The following INTS15 variants were observed in gnomAD, a reference collection of about 807,000 sequenced individuals.
INTS15 encodes integrator complex subunit 15, also known as uncharacterized protein C7orf26.
chr7:6,602,130 C>T, the INTS15 span: 3 of 1,612,912 alleles, frequency 1.9e-6, no homozygotes, highest in Non-Finnish European at 2.5e-6. Flanking sequence ...CTCCAGGCTG[C>T]CCCATAATAA....
chr7:6,592,675 C>CCA, the INTS15 span, among the ~76,000 whole-genome samples: 6 of 149,424 alleles, frequency 4.0e-5, no homozygotes, highest in African/African-American at 1.5e-4. Flanking sequence ...GTGGTGCAAT[C>CCA]TTAGCTCACT....
chr7:6,601,752 G>A, the INTS15 span, among the ~76,000 whole-genome samples: 17,819 of 151,660 alleles, frequency 0.12, 1,231 homozygotes, highest in African/African-American at 0.19. Context: ...CCTCTCCCAG[G>A]TTCAAGCAGT....
chr7:6,592,823 T>C, the INTS15 span, among the ~76,000 whole-genome samples: 2 of 152,008 alleles, frequency 1.3e-5, no homozygotes, highest in South Asian at 4.2e-4. Flanking sequence ...TTGCCCAGAC[T>C]GGTCACGAAC....
At chr7:6,593,788 T>G in the INTS15 span, among the ~76,000 whole-genome samples, 1 of 151,346 alleles carries the variant, frequency 6.6e-6, no homozygotes, top group Non-Finnish European at 1.5e-5. Flanking sequence ...TAGCTGGGAC[T>G]ACAGGTATGT....
At chr7:6,590,069 C>G in the INTS15 span, 17 of 299,402 alleles carry the variant, frequency 5.7e-5, no homozygotes, top group East Asian at 1.0e-3. Flanking sequence ...CGGCTCCTGG[C>G]GGCGCCGCAG....
At chr7:6,601,686 TCA>T in the INTS15 span, among the ~76,000 whole-genome samples, 1 of 151,294 alleles carries the variant, frequency 6.6e-6, no homozygotes, top group African/African-American at 2.4e-5. Context: ...AGACAGGGTC[TCA>T]CTCTGTTGCC....
the INTS15 span, among the ~76,000 whole-genome samples, chr7:6,605,306 G>A: frequency 9.2e-5 from 14 of 151,938 alleles, no homozygotes; most frequent in Admixed American, 6.6e-4. Context: ...CCTTTTTTTG[G>A]TCTGGGTTCT....
At chr7:6,591,945 G>A in the INTS15 span, 1 of 1,370,340 alleles carries the variant, frequency 7.3e-7, no homozygotes, top group Non-Finnish European at 1.0e-6. Context: ...GCTGAGGTGG[G>A]CGGATCACTT....
chr7:6,592,700 C>T, the INTS15 span, among the ~76,000 whole-genome samples: 2 of 151,362 alleles, frequency 1.3e-5, no homozygotes, highest in Non-Finnish European at 2.9e-5. Context: ...CCTTTGCCTC[C>T]TGGGCTCAAG....
chr7:6,605,155 A>C, the INTS15 span, among the ~76,000 whole-genome samples: 1 of 151,662 alleles, frequency 6.6e-6, no homozygotes, highest in Non-Finnish European at 1.5e-5. Flanking sequence ...ACCACGCCTA[A>C]TTTTTGTATT....
At chr7:6,608,574 G>A in the INTS15 span, 1 of 1,069,002 alleles carries the variant, frequency 9.4e-7, no homozygotes, top group South Asian at 2.5e-5. Context: ...CCCGTGAGCT[G>A]AGCCCAGGCT....
chr7:6,601,655 T>C, the INTS15 span, among the ~76,000 whole-genome samples: 33 of 149,292 alleles, frequency 2.2e-4, no homozygotes, highest in African/African-American at 7.6e-4. Flanking sequence ...TCTTCTTTTT[T>C]CTTTCTTTTT....
the INTS15 span, chr7:6,608,381 G>T: frequency 7.1e-7 from 1 of 1,405,662 alleles, no homozygotes; most frequent in Non-Finnish European, 9.2e-7. Flanking sequence ...TCTGCCGAGA[G>T]CCTGCTGCGT....
the INTS15 span, chr7:6,590,191 G>A: frequency 8.4e-7 from 1 of 1,187,472 alleles, no homozygotes; most frequent in Non-Finnish European, 1.1e-6. Context: ...CCAGGCCCGG[G>A]TCGCGCCTCT....
the INTS15 span, chr7:6,594,393 C>G: frequency 6.2e-7 from 1 of 1,608,682 alleles, no homozygotes; most frequent in Non-Finnish European, 8.5e-7. Context: ...TCTACTCACT[C>G]ACGACATCTG....
At chr7:6,594,316 C>CT in the INTS15 span, 138 of 1,030,256 alleles carry the variant, frequency 1.3e-4, no homozygotes, top group Non-Finnish European at 1.7e-4. Context: ...CCATTAACAT[C>CT]TTTTTTTTGT....
the INTS15 span, chr7:6,594,360 C>T: frequency 1.4e-5 from 20 of 1,461,348 alleles, no homozygotes; most frequent in Non-Finnish European, 1.6e-5. Context: ...TGGAGGTGGT[C>T]ACTGTGTGTG....
At chr7:6,605,789 C>G in the INTS15 span, among the ~76,000 whole-genome samples, 1 of 151,380 alleles carries the variant, frequency 6.6e-6, no homozygotes, top group African/African-American at 2.4e-5. Flanking sequence ...ACCTCTGCCT[C>G]CCGGGTTCAA....
At chr7:6,591,784 A>C in the INTS15 span, 1 of 1,614,068 alleles carries the variant, frequency 6.2e-7, no homozygotes, top group Non-Finnish European at 8.5e-7. Context: ...TGACAGCCGG[A>C]TGAGCTTGTT....
Sources: gnomAD v4.1 joint callset for allele counts (sites outside exome capture counted in the v4.1 genomes callset) on GRCh38, gnomAD v4.1.1 for gene constraint, MANE v1.5 for transcripts, NCBI Gene and HGNC (gene_info 2026-07-23, HGNC 2026-07-21) for gene names.